CACNA1C: variants seen among roughly 807,000 people sequenced by gnomAD.
The protein encoded by CACNA1C is calcium voltage-gated channel subunit alpha1 C.
Under a neutral mutation model 229.0 loss-of-function variants are expected in CACNA1C, and 30 were observed. The observed-to-expected ratio is 0.13, with a 90% CI of 0.10 to 0.18. The LOEUF is 0.18. Ranked by LOEUF, CACNA1C falls within the 10% of genes least tolerant of loss-of-function variation. The pLI is 1.00. For synonymous variants in CACNA1C, 1,114 were observed against 1,132.5 expected (o/e 0.98, Z 0.33); for missense variants, 1,658 against 2,845.0 (o/e 0.58, Z 9.49).
rs774122237 is a variant in CACNA1C, at chr12:2,566,597, C to T, written c.1669+15C>T. On this transcript the variant is annotated intron_variant, in intron 12 of 46. Transcript: ENST00000399655. This position sits in a 1 kb window ranked among gnomAD's most constrained non-coding sequence, Gnocchi z 4.0. ...AGAAGTCCAAGGTGAGCGGCGGCCC[C>T]AGCTCTGCTCTGGTTTCCTCCTGGT... 1.1e-5 allele frequency: 18 copies of T among 1,582,630 alleles called. No individual in the cohort carries two copies. The highest frequency in any genetic ancestry group is 2.7e-5 in the African/African-American group (2 of 74,058).
chr12:2,004,302 C>T, intron 1 of CACNA1C: 1 of 1,613,244 alleles, frequency 6.2e-7, no homozygotes, highest in Non-Finnish European at 8.5e-7. Flanking sequence ...GCCCGATGGC[C>T]GAAGGTGTAC....
At chr12:2,185,037 C>T (rs2096954944) in intron 3 of CACNA1C, among the ~76,000 whole-genome samples, 1 of 151,756 alleles carries the variant, frequency 6.6e-6, no homozygotes, top group Non-Finnish European at 1.5e-5. Flanking sequence ...TGGCTCATTG[C>T]TCCTGGGCTT....
At chr12:2,122,455 A>G (rs2087284807) in intron 3 of CACNA1C, among the ~76,000 whole-genome samples, 2 of 152,186 alleles carry the variant, frequency 1.3e-5, no homozygotes, top group South Asian at 2.1e-4. Context: ...AGATGAATAA[A>G]TACGACCTCA....
intron 5 of CACNA1C, among the ~76,000 whole-genome samples, chr12:2,471,164 C>T (rs767206916): frequency 2.6e-5 from 4 of 152,046 alleles, no homozygotes; most frequent in South Asian, 4.1e-4. Context: ...TTTATTGAAG[C>T]GTAATTTATA....
chr12:2,116,979 ATGTT>A (rs909417885), intron 2 of CACNA1C, among the ~76,000 whole-genome samples: 81 of 152,346 alleles, frequency 5.3e-4, no homozygotes, highest in African/African-American at 1.9e-3. Context: ...TGTTCTATAA[ATGTT>A]TGAGGCCAGG....
chr12:2,561,118 G>A (rs933537928), intron 11 of CACNA1C, among the ~76,000 whole-genome samples: 1 of 152,182 alleles, frequency 6.6e-6, no homozygotes, highest in Non-Finnish European at 1.5e-5. Context: ...CATCAGCCAG[G>A]GGTTCCCGTG....
Position 2,625,131 on chromosome 12 carries a change from C to T in CACNA1C, c.3829-9166C>T, listed in dbSNP as rs55865651. ...CCATGGCTCTGCACTCAGGGATTTG[C>T]ATTTTGTTACAACACTGTGACAGGT... On this transcript the variant is annotated intron_variant, in intron 29 of 46. Transcript: ENST00000399655. 7.9e-3 allele frequency among the ~76,000 whole-genome samples: 1,194 copies of T among 151,276 alleles called. 11 individuals carry two copies. Among genetic ancestry groups the T allele is most frequent in the African/African-American group, 0.027 (1,137 of 41,384 alleles).
chr12:2,286,394 G>A (rs910213752), intron 3 of CACNA1C, among the ~76,000 whole-genome samples: 4 of 152,222 alleles, frequency 2.6e-5, no homozygotes, highest in African/African-American at 9.6e-5. Context: ...TGAAAGTGGA[G>A]CGAGCGGGTG....
intron 3 of CACNA1C, among the ~76,000 whole-genome samples, chr12:2,268,658 C>T (rs2083423099): frequency 6.6e-6 from 1 of 152,018 alleles, no homozygotes; most frequent in South Asian, 2.1e-4. Flanking sequence ...GGAGTGTGGA[C>T]CCCTGAGCCT....
At chr12:2,302,380 T>C (rs2154475029) in intron 3 of CACNA1C, among the ~76,000 whole-genome samples, 1 of 151,828 alleles carries the variant, frequency 6.6e-6, no homozygotes, top group Middle Eastern at 3.4e-3. Flanking sequence ...GCTGCCCAAG[T>C]GCTGAGAATG....
In CACNA1C at chr12:2,378,506, C is replaced by T. The variant is rs529732889; in HGVS notation, c.478-70470C>T. The stretch of plus-strand genomic sequence containing the variant: ...GCACATAGATGCCAACCAGTGTCTA[C>T]GGGGTGTACCAAGCACAGGCCCATG... On this transcript the variant is annotated intron_variant, in intron 3 of 46. Coordinates refer to ENST00000399655, the MANE Select transcript of CACNA1C (RefSeq NM_000719.7). Among the ~76,000 whole-genome samples the T allele has an allele frequency of 1.2e-4, 18 of 152,334 alleles. No individual in the cohort carries two copies. In the East Asian group the frequency reaches 3.3e-3, roughly 28 times the overall value.
rs538958342 is a variant in CACNA1C at position 2,486,636 on chromosome 12, T to C, written c.916+374T>C. 6.6e-6 allele frequency among the ~76,000 whole-genome samples: 1 copy of C among 152,358 alleles called. No homozygotes were observed. Among genetic ancestry groups the C allele is most frequent in the South Asian group, 2.1e-4 (1 of 4,826 alleles). Reference sequence around the variant, plus strand: ...TCGTCAGTCTCTGCTCCTTCCATGCTTCAGTGTGGTTGGCCATTGGGAGCC... The same window carrying C: ...TCGTCAGTCTCTGCTCCTTCCATGCCTCAGTGTGGTTGGCCATTGGGAGCC... On this transcript the variant is annotated intron_variant, in intron 6 of 46. Transcript: ENST00000399655. The surrounding 1 kb of genome is among the most constrained non-coding windows in gnomAD (Gnocchi z 4.9).
rs143991114 is a variant in CACNA1C, at chr12:2,039,187, G to C, written c.139+67986G>C. Among the ~76,000 whole-genome samples, 230 of 152,212 alleles carry C rather than the reference G, an allele frequency of 1.5e-3. 1 individual carries two copies. The highest frequency in any genetic ancestry group is 5.2e-3 in the African/African-American group (218 of 41,534). ...AATCCCCTGGTAGAGGATCTTTTTGGCTAAGTAACTCACTAAACAATGATG... is the reference window on the plus strand; with the variant it reads ...AATCCCCTGGTAGAGGATCTTTTTGCCTAAGTAACTCACTAAACAATGATG... On this transcript the variant is annotated intron_variant, in intron 1 of 46. Transcript: ENST00000682462.
At chr12:2,565,952 C>G (rs1028871852) in intron 11 of CACNA1C, among the ~76,000 whole-genome samples, 7 of 152,152 alleles carry the variant, frequency 4.6e-5, no homozygotes, top group African/African-American at 1.7e-4. Context: ...CCACAAAAAT[C>G]AGGATAATGC....
intron 3 of CACNA1C, among the ~76,000 whole-genome samples, chr12:2,368,700 TC>T (rs2154537029): frequency 6.6e-6 from 1 of 152,320 alleles, no homozygotes; most frequent in Non-Finnish European, 1.5e-5. Flanking sequence ...CCAAATTAAT[TC>T]ATGAGTTTAA....
chr12:2,319,275 G>A lies in CACNA1C; in HGVS notation c.478-129701G>A, dbSNP rs2095848644. On this transcript the variant is annotated intron_variant, in intron 3 of 46. Transcript: ENST00000399655. This position sits in a 1 kb window ranked among gnomAD's most constrained non-coding sequence, Gnocchi z 4.0. ...GTACATGGGGGCGGCGTGCATGGTG[G>A]GTGGCCTGTGGGGGCAGCGTGCATG... Among the ~76,000 whole-genome samples, 1 of 151,962 alleles carries A rather than the reference G, an allele frequency of 6.6e-6. No individual in the cohort carries two copies. Among genetic ancestry groups the A allele is most frequent in the Non-Finnish European group, 1.5e-5 (1 of 67,950 alleles).
At chr12:2,210,126 C>T (rs1307614957) in intron 3 of CACNA1C, among the ~76,000 whole-genome samples, 1 of 152,106 alleles carries the variant, frequency 6.6e-6, no homozygotes, top group Admixed American at 6.6e-5. Flanking sequence ...GTATCTGTTG[C>T]AGGAAGGAAG....
intron 29 of CACNA1C, among the ~76,000 whole-genome samples, chr12:2,620,985 C>T (rs1318637117): frequency 6.6e-6 from 1 of 152,232 alleles, no homozygotes; most frequent in Non-Finnish European, 1.5e-5. Flanking sequence ...AATCTCTACA[C>T]AGTCCTACTT....
intron 27 of CACNA1C, among the ~76,000 whole-genome samples, chr12:2,609,842 G>A (rs2076869465): frequency 6.6e-6 from 1 of 152,036 alleles, no homozygotes; most frequent in African/African-American, 2.4e-5. Flanking sequence ...TGATTTAGTT[G>A]GCCAGGCACA....
Sources: gnomAD v4.1 joint callset for allele counts (sites outside exome capture counted in the v4.1 genomes callset) on GRCh38, gnomAD v4.1.1 for gene constraint, Gnocchi (gnomAD v3.1) non-coding constraint, MANE v1.5 for transcripts, NCBI Gene and HGNC (gene_info 2026-07-23, HGNC 2026-07-21) for gene names.